The following CCDC180 variants were observed in gnomAD, a reference collection of about 807,000 sequenced individuals.
CCDC180 encodes coiled-coil domain-containing protein 180.
In CCDC180, 154 loss-of-function variants were observed where a neutral mutation model predicts 209.2. The observed-to-expected ratio is 0.74, with a 90% confidence interval of 0.65 to 0.84. The LOEUF is 0.84. Ranked by LOEUF, CCDC180 falls within the 40% of genes least tolerant of loss-of-function variation. The probability of loss-of-function intolerance (pLI) is 0.00; values close to 1 mark genes in which losing one functional copy is unlikely to be tolerated. For synonymous variants in CCDC180, 778 were observed against 749.1 expected (o/e 1.04, Z -0.63); for missense variants, 1,874 against 1,997.3 (o/e 0.94, Z 1.18).
At chr9:97,352,277 T>C (rs1826441308) in intron 22 of CCDC180, among the ~76,000 whole-genome samples, 1 of 151,926 alleles carries the variant, frequency 6.6e-6, no homozygotes, top group Non-Finnish European at 1.5e-5. Flanking sequence ...CATACGAGAG[T>C]GAGAAATGGG....
chr9:97,351,162 G>T (rs1318760255), intron 22 of CCDC180, among the ~76,000 whole-genome samples: 1 of 152,096 alleles, frequency 6.6e-6, no homozygotes, highest in African/African-American at 2.4e-5. Context: ...AGTTATTTTG[G>T]GTATTTCCTA....
At chr9:97,307,456 G>A, upstream of CCDC180, 1 of 592,670 alleles carries the variant, frequency 1.7e-6, no homozygotes, top group Admixed American at 2.4e-5. Flanking sequence ...GCCAGGGGCT[G>A]CTCAGTCTAC....
intron 18 of CCDC180, 93 bp from the exon 19 acceptor site, chr9:97,343,247 G>C (rs1034033930): frequency 2.6e-6 from 2 of 768,174 alleles, no homozygotes; most frequent in African/African-American, 3.5e-5. Context: ...CCCAAAATTT[G>C]GTTTACAACC....
At chr9:97,319,772 AT>A (rs1216101473) in intron 10 of CCDC180, among the ~76,000 whole-genome samples, 9 of 152,248 alleles carry the variant, frequency 5.9e-5, no homozygotes, top group African/African-American at 2.2e-4. Context: ...TATGAACAGC[AT>A]TGTTAAGTGA....
chr9:97,333,517 T>G (rs1020371912), intron 18 of CCDC180, among the ~76,000 whole-genome samples: 18 of 149,894 alleles, frequency 1.2e-4, no homozygotes, highest in Admixed American at 2.6e-4. Flanking sequence ...TTTTTTTTTT[T>G]TTTTTTTTTT....
chr9:97,360,900 A>G (rs772847543), intron 26 of CCDC180, among the ~76,000 whole-genome samples: 10 of 152,152 alleles, frequency 6.6e-5, no homozygotes, highest in Admixed American at 6.5e-5. Flanking sequence ...CTGACAGCCA[A>G]TGTCTGCAGA....
At chr9:97,368,973 A>T (rs562865760) in intron 31 of CCDC180, among the ~76,000 whole-genome samples, 1 of 152,352 alleles carries the variant, frequency 6.6e-6, no homozygotes, top group African/African-American at 2.4e-5. Context: ...AGTTAAATAA[A>T]AGAGGGAATT....
At chr9:97,357,560 C>T in intron 24 of CCDC180, 67 bp from the exon 25 acceptor site, 7 of 1,060,724 alleles carry the variant, frequency 6.6e-6, no homozygotes, top group African/African-American at 6.4e-5. Flanking sequence ...TGGTATGTTT[C>T]ACAGAATGTT....
intron 20 of CCDC180, chr9:97,347,709 A>ATT: frequency 2.1e-6 from 1 of 484,758 alleles, no homozygotes; most frequent in Non-Finnish European, 3.6e-6. Flanking sequence ...TCTCATTTCC[A>ATT]TTTTTTTTTC....
chr9:97,354,847 G>A, intron 23 of CCDC180, 45 bp from the exon 24 acceptor site: 1 of 1,567,394 alleles, frequency 6.4e-7, no homozygotes, highest in Non-Finnish European at 8.8e-7. Flanking sequence ...AGTCCAAAAG[G>A]TCCAAATTAA....
chr9:97,333,831 T>A (rs1443373330), intron 18 of CCDC180, among the ~76,000 whole-genome samples: 1 of 151,824 alleles, frequency 6.6e-6, no homozygotes, highest in Non-Finnish European at 1.5e-5. Flanking sequence ...TTTAATTATT[T>A]TTTTTTTGAG....
chr9:97,310,312 C>T (rs977995773), intron 3 of CCDC180, among the ~76,000 whole-genome samples: 1 of 152,078 alleles, frequency 6.6e-6, no homozygotes, highest in African/African-American at 2.4e-5. Flanking sequence ...CCCATGAGAC[C>T]TAGTGATGAA....
At chr9:97,363,472 C>A (rs1324432219) in intron 28 of CCDC180, 23 of 390,396 alleles carry the variant, frequency 5.9e-5, no homozygotes, top group Admixed American at 5.4e-4. Context: ...TATGATCCAG[C>A]CATGACCTGT....
chr9:97,307,856 C>T (rs1231105771), intron 1 of CCDC180, 50 bp downstream of exon 1: 1 of 1,610,160 alleles, frequency 6.2e-7, no homozygotes, highest in South Asian at 1.1e-5. Context: ...CGACGTTCCC[C>T]AGCCGCCTAC....
chr9:97,349,424 ACT>A (rs945721955), intron 21 of CCDC180, 133 bp downstream of exon 21: 6 of 751,768 alleles, frequency 8.0e-6, no homozygotes, highest in Non-Finnish European at 1.3e-5. Context: ...TTTGAGTTAA[ACT>A]CTTCAAGAGA....
rs1389499770 is a variant in CCDC180 at position 97,307,968 on chromosome 9, A to G, written c.-81-15A>G. 6.3e-7 allele frequency: 1 copy of G among 1,584,502 alleles called. No homozygotes were observed. The highest frequency in any genetic ancestry group is 8.6e-7 in the Non-Finnish European group (1 of 1,163,910). ...CCTGAACCTGAGTTTGGGACGGGCGATTTCCCAACCTCAGGAATTGGAATT... is the reference window on the plus strand; with the variant it reads ...CCTGAACCTGAGTTTGGGACGGGCGGTTTCCCAACCTCAGGAATTGGAATT... On this transcript the variant is annotated splice_polypyrimidine_tract_variant and intron_variant, in intron 1 of 36. Coordinates refer to ENST00000529487, the MANE Select transcript of CCDC180 (RefSeq NM_020893.6).
rs1833489294 is a variant in CCDC180, at chr9:97,325,129, G to A, written c.1482G>A (p.Val494=). ...LWEAHQSELL[V]QELELEKRME... ...AGGCACACCAGAGCGAGCTGTTGGT[G>A]CAGGAGCTGGAGCTGGAGAAGAGGA... Residue 494 remains valine, a synonymous_variant, in exon 14 of 37, where the codon GTG becomes GTA. Coordinates refer to ENST00000529487, the MANE Select transcript of CCDC180 (RefSeq NM_020893.6). 1 of 1,612,696 alleles carries A rather than the reference G, an allele frequency of 6.2e-7. No homozygotes were observed. The highest frequency in any genetic ancestry group is 1.7e-5 in the Admixed American group (1 of 59,772).
At chr9:97,375,847 G>A (rs1269169661) in intron 36 of CCDC180, 1 of 493,980 alleles carries the variant, frequency 2.0e-6, no homozygotes, top group East Asian at 3.3e-5. Flanking sequence ...GATTAGGGGT[G>A]AAGGCTTTCC....
chr9:97,347,548 C>G, intron 20 of CCDC180, 59 bp downstream of exon 20: 1 of 1,470,872 alleles, frequency 6.8e-7, no homozygotes, highest in Non-Finnish European at 9.1e-7. Flanking sequence ...AGCGTCTGCT[C>G]CACCGCGGCT....
Sources: gnomAD v4.1 joint callset for allele counts (sites outside exome capture counted in the v4.1 genomes callset) on GRCh38, gnomAD v4.1.1 for gene constraint, MANE v1.5 for transcripts, NCBI Gene and HGNC (gene_info 2026-07-23, HGNC 2026-07-21) for gene names.